Variants in PUS10 observed in about 807,000 individuals in gnomAD.
PUS10 encodes the protein pseudouridine synthase 10, also known as tRNA pseudouridine synthase Pus10.
In PUS10, 59 loss-of-function variants were observed where a neutral mutation model predicts 75.0. That is an observed-to-expected ratio of 0.79 (90% CI 0.64 to 0.98). The LOEUF is 0.98. Among genes scored for constraint, PUS10 ranks in the 50% least tolerant of loss-of-function variants. The pLI, the probability that PUS10 is intolerant of heterozygous loss-of-function variation, is 0.00. For missense variants in PUS10, 650 were observed against 614.4 expected (o/e 1.06, Z -0.61); for synonymous variants, 219 against 211.6 (o/e 1.03, Z -0.30).
intron 1 of PUS10, among the ~76,000 whole-genome samples, chr2:61,014,829 G>A (rs1679863346): frequency 6.6e-6 from 1 of 152,190 alleles, no homozygotes; most frequent in African/African-American, 2.4e-5. Context: ...GATTCTTCTA[G>A]TCTGCGTTTT....
Position 61,015,062 on chromosome 2 carries a change from G to A in PUS10, c.-16+2946C>T, listed in dbSNP as rs534523330. On this transcript the variant is annotated intron_variant, in intron 1 of 17. Coordinates refer to ENST00000316752, the MANE Select transcript of PUS10 (RefSeq NM_144709.4). ...CAGCAGAGGGAAGAAAATCAGGCTT[G>A]TATGGACACACCATACAAGCTGACA... Among the ~76,000 whole-genome samples the A allele has an allele frequency of 4.6e-5, 7 of 152,300 alleles. No homozygotes were observed. The South Asian group carries it at 1.2e-3, about 27-fold the overall frequency.
chr2:60,947,872 T>C (rs1242568490), intron 16 of PUS10, among the ~76,000 whole-genome samples, 171 bp downstream of exon 16: 1 of 128,742 alleles, frequency 7.8e-6, no homozygotes, highest in Non-Finnish European at 1.7e-5. Context: ...AAAAAGAAAA[T>C]TAAGTGGGAA....
chr2:60,976,212 C>T lies in PUS10; in HGVS notation c.469-4655G>A, dbSNP rs543581263. Among the ~76,000 whole-genome samples, 5 of 152,318 alleles carry T rather than the reference C, an allele frequency of 3.3e-5. No individual in the cohort carries two copies. The South Asian group carries it at 8.3e-4, about 25-fold the overall frequency. On this transcript the variant is annotated intron_variant, in intron 4 of 17. Transcript: ENST00000316752. ...AATACTGAATAAATGGTAATTAATACTGTTGTTGAACTGAAACCTTATCTG... is the reference window on the plus strand; with the variant it reads ...AATACTGAATAAATGGTAATTAATATTGTTGTTGAACTGAAACCTTATCTG...
At chr2:60,956,974 C>T (rs1228879728) in intron 11 of PUS10, among the ~76,000 whole-genome samples, 1 of 19,246 alleles carries the variant, frequency 5.2e-5, no homozygotes, top group African/African-American at 1.6e-4. Context: ...GACTCCATCT[C>T]AAAAAAAAAA....
intron 4 of PUS10, among the ~76,000 whole-genome samples, chr2:60,994,411 G>A (rs769210580): frequency 1.3e-5 from 2 of 150,046 alleles, no homozygotes; most frequent in Non-Finnish European, 3.0e-5. Context: ...GTCAAAAATA[G>A]CTCCTCACAA....
In PUS10 at chr2:61,017,922, C is replaced by G; in HGVS notation, c.-16+86G>C. The G allele has an allele frequency of 2.0e-6, 3 of 1,465,032 alleles. No individual in the cohort carries two copies. The Admixed American group carries it at 5.9e-5, about 29-fold the overall frequency. 90.8% of individuals were successfully genotyped at this position (1,465,032 alleles called of 1,614,324 possible). A position where few individuals can be genotyped will look rare whatever the true frequency, so the allele number is the denominator to read the frequency against. On this transcript the variant is annotated intron_variant, in intron 1 of 17. Coordinates refer to ENST00000316752, the MANE Select transcript of PUS10 (RefSeq NM_144709.4). ...GGGACTTGGCAGGAGGCGGTTGTAG[C>G]GGTTGTTAGTGGAGGTATTCCCTTC...
chr2:61,017,792 C>G lies in PUS10; in HGVS notation c.-16+216G>C, dbSNP rs1680108410. The stretch of plus-strand genomic sequence containing the variant: ...CCCAGCCGCCACCTCCCCCCAAACC[C>G]TGGGAGACCCGCCGAATTCCGGGAG... On this transcript the variant is annotated intron_variant, in intron 1 of 17. Coordinates refer to ENST00000316752, the MANE Select transcript of PUS10 (RefSeq NM_144709.4). 2 of 1,550,480 alleles carry G rather than the reference C, an allele frequency of 1.3e-6. No individual in the cohort carries two copies. The highest frequency in any genetic ancestry group is 1.7e-6 in the Non-Finnish European group (2 of 1,146,918).
Position 60,996,013 on chromosome 2 carries a change from T to C in PUS10, c.468+10544A>G, listed in dbSNP as rs80247451. On this transcript the variant is annotated intron_variant, in intron 4 of 17. Coordinates refer to ENST00000316752, the MANE Select transcript of PUS10 (RefSeq NM_144709.4). ...ATGCATCTTTAAGCATTTAAATATGTGTCTGAATAACCTGCCAACTGCAAT... is the reference window on the plus strand; with the variant it reads ...ATGCATCTTTAAGCATTTAAATATGCGTCTGAATAACCTGCCAACTGCAAT... 2.7e-3 allele frequency among the ~76,000 whole-genome samples: 404 copies of C among 152,322 alleles called. 1 individual carries two copies. The highest frequency in any genetic ancestry group is 9.5e-3 in the African/African-American group (394 of 41,576).
chr2:60,953,008 T>C lies in PUS10; in HGVS notation c.1297A>G (p.Asn433Asp), dbSNP rs755479545. ...CACACTTAAACTACCTTTATGTCAT[T>C]TAGGAATTCAATGTCTTTCTTCTGT... Reference protein sequence around the residue: ...AIQKKDIEFLNDIKDLKIDQK... With the variant: ...AIQKKDIEFLDDIKDLKIDQK... Residue 433 changes from asparagine to aspartate, a missense_variant, in exon 15 of 18, where the codon AAT becomes GAT. Coordinates refer to ENST00000316752, the MANE Select transcript of PUS10 (RefSeq NM_144709.4). The C allele has an allele frequency of 2.6e-6, 4 of 1,521,768 alleles. No homozygotes were observed. In the African/African-American group the frequency reaches 5.5e-5, roughly 21 times the overall value. 94.3% of individuals were successfully genotyped at this position (1,521,768 alleles called of 1,614,324 possible). A position where few individuals can be genotyped will look rare whatever the true frequency, so the allele number is the denominator to read the frequency against.
chr2:60,991,360 CAT>C (rs67218986), intron 4 of PUS10, among the ~76,000 whole-genome samples: 37,767 of 151,988 alleles, frequency 0.25, 5,119 homozygotes, highest in Middle Eastern at 0.33. Context: ...GAGATTTAAA[CAT>C]GTGTCAAATT....
intron 11 of PUS10, among the ~76,000 whole-genome samples, chr2:60,955,553 T>G (rs1020093747): frequency 6.6e-6 from 1 of 152,128 alleles, no homozygotes; most frequent in Non-Finnish European, 1.5e-5. Flanking sequence ...GGTCTTTAAC[T>G]CCTGAATTCA....
At chr2:61,016,274 A>T (rs1559015505) in intron 1 of PUS10, among the ~76,000 whole-genome samples, 1 of 152,198 alleles carries the variant, frequency 6.6e-6, no homozygotes, top group African/African-American at 2.4e-5. Flanking sequence ...CCTCTTTTGA[A>T]TGTGTGTTAA....
intron 1 of PUS10, among the ~76,000 whole-genome samples, chr2:61,016,602 A>C (rs1679994144): frequency 6.6e-6 from 1 of 152,230 alleles, no homozygotes; most frequent in Non-Finnish European, 1.5e-5. Context: ...AAGTTGCTAC[A>C]AAGCCGCCTT....
chr2:60,999,485 G>A (rs1248426956), intron 4 of PUS10, among the ~76,000 whole-genome samples: 1 of 152,066 alleles, frequency 6.6e-6, no homozygotes, highest in Non-Finnish European at 1.5e-5. Flanking sequence ...TGGGCATAGT[G>A]GCATGCACCT....
At position 61,008,981 on chromosome 2, in the gene PUS10, G is replaced by A; in HGVS notation, c.161C>T (p.Thr54Ile). Residue 54 changes from threonine (T) to isoleucine (I), a missense_variant, in exon 3 of 18, where the codon ACT (threonine) becomes ATT (isoleucine). Physicochemically the swap from Thr to Ile is moderately conservative, Grantham distance 89 (BLOSUM62 -1). Transcript: ENST00000316752. Reference sequence around the variant, plus strand: ...TTCCAAAATTAATTCATCTTTTTCAGTTTCCAGAAATTTCTGTAGTTCATT... The same window carrying A: ...TTCCAAAATTAATTCATCTTTTTCAATTTCCAGAAATTTCTGTAGTTCATT... Reference protein sequence around the residue: ...LLNELQKFLETEKDELILEVM... With the variant: ...LLNELQKFLEIEKDELILEVM... The A allele has an allele frequency of 6.2e-7, 1 of 1,612,170 alleles. No homozygotes were observed. Among genetic ancestry groups the A allele is most frequent in the East Asian group, 2.2e-5 (1 of 44,806 alleles).
chr2:60,996,889 T>A (rs1053490237), intron 4 of PUS10, among the ~76,000 whole-genome samples: 1 of 152,214 alleles, frequency 6.6e-6, no homozygotes, highest in South Asian at 2.1e-4. Flanking sequence ...GGACTGTCAA[T>A]CAGACATTCC....
chr2:60,955,658 T>C (rs557008057), intron 11 of PUS10, among the ~76,000 whole-genome samples: 6 of 152,140 alleles, frequency 3.9e-5, no homozygotes, highest in Non-Finnish European at 7.3e-5. Flanking sequence ...ATTATAACCT[T>C]ATAAAGTAGG....
rs1360365519 is a variant in PUS10, at chr2:61,008,829, T to G, written c.313A>C (p.Asn105His). 3.7e-6 allele frequency: 6 copies of G among 1,610,894 alleles called. No individual in the cohort carries two copies. The highest frequency in any genetic ancestry group is 1.3e-5 in the African/African-American group (1 of 74,866). The change falls in exon 3 of 18, where the codon AAT becomes CAT. Residue 105 changes from asparagine (N) to histidine (H), a missense_variant. Transcript: ENST00000316752. Reference protein sequence around the residue: ...HVGSTASKNSNLNVCNVCLGI... With the variant: ...HVGSTASKNSHLNVCNVCLGI... The stretch of plus-strand genomic sequence containing the variant: ...AGGCATACATTACATACATTTAAAT[T>G]TGAGTTCTTGGAAGCAGTGCTTCCA...
At chr2:61,006,765 T>C in intron 3 of PUS10, 122 bp from the exon 4 acceptor site, 1 of 681,464 alleles carries the variant, frequency 1.5e-6, no homozygotes, top group East Asian at 2.8e-5. Flanking sequence ...AACTTTCACA[T>C]TTGACAGTGG....
Sources: allele counts gnomAD v4.1 joint callset (sites outside exome capture counted in the v4.1 genomes callset), GRCh38; gene constraint gnomAD v4.1.1; transcripts MANE v1.5; gene names NCBI Gene and HGNC (gene_info 2026-07-23, HGNC 2026-07-21).